FNDC3A: variants seen among roughly 807,000 people sequenced by gnomAD.
FNDC3A encodes fibronectin type III domain containing 3A, also known as fibronectin type-III domain-containing protein 3A.
A neutral mutation model predicts 148.9 loss-of-function variants in FNDC3A; 32 were observed. The ratio of observed to expected loss-of-function variants is 0.21; its 90% CI spans 0.16 to 0.29. The LOEUF is 0.29. Ranked by LOEUF, FNDC3A falls within the 10% of genes least tolerant of loss-of-function variation. The probability of loss-of-function intolerance (pLI) is 1.00; values close to 1 mark genes in which losing one functional copy is unlikely to be tolerated. For missense variants in FNDC3A, 1,191 were observed against 1,452.8 expected (o/e 0.82, Z 2.93); for synonymous variants, 472 against 473.6 (o/e 1.00, Z 0.04).
chr13:49,002,642 C>G (rs1414204357), intron 1 of FNDC3A, among the ~76,000 whole-genome samples: 1 of 152,192 alleles, frequency 6.6e-6, no homozygotes, highest in Non-Finnish European at 1.5e-5. Flanking sequence ...ACTGTCCTGA[C>G]TCTTAACACC....
intron 2 of FNDC3A, among the ~76,000 whole-genome samples, chr13:49,067,965 G>T (rs969601598): frequency 6.6e-6 from 1 of 152,062 alleles, no homozygotes; most frequent in African/African-American, 2.4e-5. Flanking sequence ...AAGAACCATA[G>T]ATTTGTTAGA....
chr13:49,013,310 G>A (rs1038655582), intron 2 of FNDC3A, among the ~76,000 whole-genome samples: 1 of 151,998 alleles, frequency 6.6e-6, no homozygotes, highest in Admixed American at 6.6e-5. Context: ...GTGAGACCCA[G>A]TCTCATATTT....
At chr13:49,142,133 A>G (rs779156411) in intron 7 of FNDC3A, among the ~76,000 whole-genome samples, 2 of 152,222 alleles carry the variant, frequency 1.3e-5, no homozygotes, top group Admixed American at 6.5e-5. Flanking sequence ...TTCCAAATCT[A>G]TATTTTCGAT....
At chr13:49,092,571 A>G (rs1047995243) in intron 3 of FNDC3A, among the ~76,000 whole-genome samples, 1 of 152,068 alleles carries the variant, frequency 6.6e-6, no homozygotes, top group African/African-American at 2.4e-5. Flanking sequence ...GTATCCTTCA[A>G]TCCAATCAAG....
intron 2 of FNDC3A, among the ~76,000 whole-genome samples, chr13:49,015,699 T>C (rs1310708275): frequency 4.7e-4 from 72 of 152,146 alleles, no homozygotes; most frequent in Non-Finnish European, 7.9e-4. Flanking sequence ...AAGGGAATGC[T>C]TCCAGTTTTT....
rs764423615 is a variant in FNDC3A at position 49,175,555 on chromosome 13, T to C, written c.1530+14T>C. 65 of 1,572,918 alleles carry C rather than the reference T, an allele frequency of 4.1e-5. No homozygotes were observed. The highest frequency in any genetic ancestry group is 5.3e-5 in the Non-Finnish European group (61 of 1,152,048). On this transcript the variant is annotated intron_variant, in intron 13 of 25. Transcript: ENST00000492622. ...GAAGAAACTTCAGTAAGTGCAAATA[T>C]GGATTTTAAATAGTGTATTTAAAAC...
chr13:49,165,070 T>C (rs1246996754), intron 8 of FNDC3A, among the ~76,000 whole-genome samples: 1 of 152,234 alleles, frequency 6.6e-6, no homozygotes, highest in Non-Finnish European at 1.5e-5. Context: ...CCAAATTGTT[T>C]TTCTAAATTA....
chr13:48,990,400 A>T (rs2137564822), intron 1 of FNDC3A, among the ~76,000 whole-genome samples: 1 of 151,998 alleles, frequency 6.6e-6, no homozygotes, highest in East Asian at 1.9e-4. Context: ...AATATATAGG[A>T]TTTAAAAAAA....
At position 49,189,476 on chromosome 13, in the gene FNDC3A, C is replaced by T. The variant is rs573959863; in HGVS notation, c.1944+843C>T. On this transcript the variant is annotated intron_variant, in intron 17 of 25. Transcript: ENST00000492622. ...GATTACAGGCATGAGCCACCGCACC[C>T]GGCCAAGTGATTTTTTTTTTTTAAA... is the stretch of plus-strand genomic sequence containing the variant. Among the ~76,000 whole-genome samples the T allele has an allele frequency of 7.9e-5, 12 of 152,102 alleles. No homozygotes were observed. In the East Asian group the frequency reaches 1.3e-3, roughly 17 times the overall value.
At chr13:49,178,537 C>G (rs779239639) in intron 13 of FNDC3A, 31 bp from the exon 14 acceptor site, 8 of 1,328,640 alleles carry the variant, frequency 6.0e-6, no homozygotes, top group Middle Eastern at 3.7e-4. Context: ...TGTTAGACAT[C>G]GAATGAAGAC....
At chr13:49,089,019 G>A (rs1281670419) in intron 3 of FNDC3A, among the ~76,000 whole-genome samples, 2 of 152,220 alleles carry the variant, frequency 1.3e-5, no homozygotes, top group Non-Finnish European at 2.9e-5. Flanking sequence ...AATAGTGGTT[G>A]CTAGGGACTA....
At chr13:48,981,130 A>AT (rs530995673) in intron 1 of FNDC3A, among the ~76,000 whole-genome samples, 116 of 152,242 alleles carry the variant, frequency 7.6e-4, no homozygotes, top group African/African-American at 2.7e-3. Flanking sequence ...TACTTTTTAA[A>AT]TTTTAGTTTA....
At chr13:49,144,567 A>G (rs1041210515) in intron 7 of FNDC3A, among the ~76,000 whole-genome samples, 1 of 152,236 alleles carries the variant, frequency 6.6e-6, no homozygotes, top group Non-Finnish European at 1.5e-5. Context: ...AAATGCCTAC[A>G]TATAATCTGG....
At chr13:49,031,854 T>C (rs1410862992) in intron 2 of FNDC3A, among the ~76,000 whole-genome samples, 2 of 152,116 alleles carry the variant, frequency 1.3e-5, no homozygotes, top group Admixed American at 1.3e-4. Flanking sequence ...TCCACAAAAT[T>C]GGAGGAAAAA....
chr13:48,991,542 G>C (rs1357105241), intron 1 of FNDC3A, among the ~76,000 whole-genome samples: 1 of 152,038 alleles, frequency 6.6e-6, no homozygotes, highest in Non-Finnish European at 1.5e-5. Flanking sequence ...ACAAAAATTA[G>C]CTGGGTGTGG....
chr13:49,061,381 T>C (rs184647600), intron 2 of FNDC3A, among the ~76,000 whole-genome samples: 2 of 10,462 alleles, frequency 1.9e-4, no homozygotes, highest in African/African-American at 1.9e-3. Context: ...TCCCTTCCCT[T>C]CCCTTCCCTT....
chr13:49,051,807 A>G (rs1355004070), intron 2 of FNDC3A, among the ~76,000 whole-genome samples: 1 of 152,196 alleles, frequency 6.6e-6, no homozygotes, highest in Non-Finnish European at 1.5e-5. Flanking sequence ...GGGAACACCA[A>G]TTATTCTTAG....
At chr13:49,157,788 T>C (rs1347349132) in intron 8 of FNDC3A, among the ~76,000 whole-genome samples, 1 of 126,360 alleles carries the variant, frequency 7.9e-6, no homozygotes, top group Non-Finnish European at 1.7e-5. Context: ...CCGTGTGAGG[T>C]GTCAGTGTGC....
chr13:49,051,537 TCTG>T (rs1289788490), intron 2 of FNDC3A, among the ~76,000 whole-genome samples: 7 of 152,224 alleles, frequency 4.6e-5, no homozygotes, highest in African/African-American at 1.7e-4. Flanking sequence ...TGCTGAGAAA[TCTG>T]CTGTTAATCT....
Sources: allele counts gnomAD v4.1 joint callset (sites outside exome capture counted in the v4.1 genomes callset), GRCh38; gene constraint gnomAD v4.1.1; transcripts MANE v1.5; gene names NCBI Gene and HGNC (gene_info 2026-07-23, HGNC 2026-07-21).